CAMKV: variants seen among roughly 807,000 people sequenced by gnomAD.
CAMKV encodes the protein caM kinase-like vesicle-associated protein.
In CAMKV, 5 loss-of-function variants were observed where a neutral mutation model predicts 50.2. The observed-to-expected ratio is 0.10, with a 90% CI of 0.05 to 0.21. The LOEUF (loss-of-function observed/expected upper bound fraction) is 0.21. Among genes scored for constraint, CAMKV ranks in the 10% least tolerant of loss-of-function variants. The pLI is 1.00. For synonymous variants in CAMKV, 229 were observed against 250.1 expected, an observed-to-expected ratio of 0.92 and a Z score of 0.80; for missense variants, 361 against 650.5, an observed-to-expected ratio of 0.55 and a Z score of 4.84.
chr3:49,859,003 C>T lies in CAMKV; in HGVS notation c.*315G>A. The T allele has an allele frequency of 3.7e-6, 1 of 268,152 alleles. No homozygotes were observed. Among genetic ancestry groups the T allele is most frequent in the Non-Finnish European group, 7.1e-6 (1 of 140,682 alleles). The allele number at this position is 268,152 out of a possible 1,614,324, so 16.6% of individuals were successfully genotyped here. A position where few individuals can be genotyped will look rare whatever the true frequency, so the allele number is the denominator to read the frequency against. ...GGCAAGAAGGGAAGGGGAAGGAGAG[C>T]AGGAGCCCCCTGAGTATCCCTAGAG... On this transcript the variant is annotated 3_prime_UTR_variant, in exon 11 of 11. Transcript: ENST00000477224. This position sits in a 1 kb window ranked among gnomAD's most constrained non-coding sequence, Gnocchi z 5.5.
Position 49,861,385 on chromosome 3 carries a change from C to A in CAMKV, c.441+54G>T. On this transcript the variant is annotated intron_variant, in intron 5 of 10. Transcript: ENST00000477224. The surrounding 1 kb of genome is among the most constrained non-coding windows in gnomAD (Gnocchi z 7.7). ...GACCAAGGCCCTGAGGTGCTGCCCA[C>A]CCCAGCACCAGCCCAGCTGCCAACT... 2 of 1,613,122 alleles carry A rather than the reference C, an allele frequency of 1.2e-6. No individual in the cohort carries two copies. The highest frequency in any genetic ancestry group is 8.5e-7 in the Non-Finnish European group (1 of 1,179,332).
At position 49,858,290 on chromosome 3, in the gene CAMKV, A is replaced by G; in HGVS notation, c.*1028T>C. 7.5e-6 allele frequency: 3 copies of G among 398,684 alleles called. No homozygotes were observed. Among genetic ancestry groups the G allele is most frequent in the Non-Finnish European group, 1.3e-5 (3 of 226,078 alleles). The allele number at this position is 398,684 out of a possible 1,614,324, so 24.7% of individuals were successfully genotyped here. On this transcript the variant is annotated 3_prime_UTR_variant, in exon 11 of 11. Transcript: ENST00000477224. ...CCTCTGATAGAAGTGAGCTGTAGAA[A>G]GAGGGAGTTCCTCTTCATTTCATTG...
chr3:49,868,794 G>A (rs1292250874), intron 1 of CAMKV, among the ~76,000 whole-genome samples: 11 of 152,222 alleles, frequency 7.2e-5, no homozygotes, highest in Non-Finnish European at 1.5e-5. Context: ...TTGGGGGTAA[G>A]GGGAGTACAG....
Position 49,859,298 on chromosome 3 carries a change from C to T in CAMKV, c.*20G>A. On this transcript the variant is annotated 3_prime_UTR_variant, in exon 11 of 11. Transcript: ENST00000477224. The surrounding 1 kb of genome is among the most constrained non-coding windows in gnomAD (Gnocchi z 5.5). ...CCACCCTCCTGCCCATCCCCTGCCC[C>T]CCCTCACCAGGCTGCCTACTCAGCT... is the stretch of plus-strand genomic sequence containing the variant. 6.6e-7 allele frequency: 1 copy of T among 1,514,434 alleles called. No individual in the cohort carries two copies. Among genetic ancestry groups the T allele is most frequent in the East Asian group, 2.3e-5 (1 of 44,088 alleles). The allele number at this position is 1,514,434 out of a possible 1,614,324, so 93.8% of individuals were successfully genotyped here.
intron 1 of CAMKV, among the ~76,000 whole-genome samples, chr3:49,868,576 G>T (rs897184313): frequency 6.6e-6 from 1 of 152,192 alleles, no homozygotes; most frequent in African/African-American, 2.4e-5. Context: ...AGCCAGCCTA[G>T]GAGAGCACCT....
intron 1 of CAMKV, among the ~76,000 whole-genome samples, chr3:49,864,350 C>T (rs549457164): frequency 3.9e-5 from 6 of 152,200 alleles, no homozygotes; most frequent in Non-Finnish European, 7.3e-5. Context: ...TTCATGCCCA[C>T]TGGGGCCCAC....
rs1257641063 is a variant in CAMKV, at chr3:49,859,219, G to A, written c.*99C>T. On this transcript the variant is annotated 3_prime_UTR_variant, in exon 11 of 11. Coordinates refer to ENST00000477224, the MANE Select transcript of CAMKV (RefSeq NM_024046.5). This position sits in a 1 kb window ranked among gnomAD's most constrained non-coding sequence, Gnocchi z 5.5. ...CTGGGATGTGGGGGCATGGGGGAGC[G>A]AGGGCATCATGCCAGTGACTCTATG... The A allele has an allele frequency of 2.9e-5, 33 of 1,123,742 alleles. No individual in the cohort carries two copies. The highest frequency in any genetic ancestry group is 4.0e-5 in the Non-Finnish European group (32 of 795,566). The allele number at this position is 1,123,742 out of a possible 1,614,324, so 69.6% of individuals were successfully genotyped here.
rs1421494846 is a variant in CAMKV, at chr3:49,862,220, C to T, written c.96-44G>A. ...CACTCAGGCCTGGCCTTAGCATCAG[C>T]TGCACTCCACTGCCACTTCCCTAGC... On this transcript the variant is annotated intron_variant, in intron 2 of 10. Transcript: ENST00000477224. This position sits in a 1 kb window ranked among gnomAD's most constrained non-coding sequence, Gnocchi z 5.2. 1 of 1,614,144 alleles carries T rather than the reference C, an allele frequency of 6.2e-7. No individual in the cohort carries two copies. Among genetic ancestry groups the T allele is most frequent in the Admixed American group, 1.7e-5 (1 of 60,032 alleles).
rs985684552 is a variant in CAMKV at position 49,859,991 on chromosome 3, C to T, written c.943-110G>A. 1.7e-6 allele frequency: 2 copies of T among 1,152,280 alleles called. No individual in the cohort carries two copies. The highest frequency in any genetic ancestry group is 3.1e-5 in the African/African-American group (2 of 64,622). The allele number at this position is 1,152,280 out of a possible 1,614,324, so 71.4% of individuals were successfully genotyped here. ...AGTACCCCCGGCCACCTCCATCCAC[C>T]CCAGGGCCAAGTACTCAGCTGCTCA... On this transcript the variant is annotated intron_variant, in intron 10 of 10. Coordinates refer to ENST00000477224, the MANE Select transcript of CAMKV (RefSeq NM_024046.5). The surrounding 1 kb of genome is among the most constrained non-coding windows in gnomAD (Gnocchi z 5.5).
intron 1 of CAMKV, among the ~76,000 whole-genome samples, chr3:49,867,177 G>A (rs1354951964): frequency 6.6e-6 from 1 of 152,264 alleles, no homozygotes; most frequent in Non-Finnish European, 1.5e-5. Flanking sequence ...CAGCTGAGGT[G>A]TCACCCACAG....
Position 49,859,459 on chromosome 3 carries a change from C to T in CAMKV, c.1365G>A (p.Lys455=). The change falls in exon 11 of 11, where the codon AAG becomes AAA. Residue 455 remains lysine (K), a synonymous_variant. Coordinates refer to ENST00000477224, the MANE Select transcript of CAMKV (RefSeq NM_024046.5). The surrounding 1 kb of genome is among the most constrained non-coding windows in gnomAD (Gnocchi z 5.5). Reference sequence around the variant, plus strand: ...TAGCCGGCTCAGGGGTGGCAGCTGCCTTGGTGGCCAGCATGGCACTGCTTT... The same window carrying T: ...TAGCCGGCTCAGGGGTGGCAGCTGCTTTGGTGGCCAGCATGGCACTGCTTT... The part of the protein sequence containing the change: ...TTQSSAMLAT[K]AAATPEPAMA... 1 of 1,613,966 alleles carries T rather than the reference C, an allele frequency of 6.2e-7. No individual in the cohort carries two copies. Among genetic ancestry groups the T allele is most frequent in the Non-Finnish European group, 8.5e-7 (1 of 1,179,856 alleles).
rs2082010228 is a variant in CAMKV, at chr3:49,860,311, C to CT, written c.855-54dup. On this transcript the variant is annotated intron_variant, in intron 9 of 10. Transcript: ENST00000477224. This position sits in a 1 kb window ranked among gnomAD's most constrained non-coding sequence, Gnocchi z 6.1. ...CTGAGAGAATGAGCCTTTGTGGAGA[C>CT]TCTGCTCAGCCCTTCTATGTGGCAT... 6.3e-7 allele frequency: 1 copy of CT among 1,580,040 alleles called. No individual in the cohort carries two copies. The highest frequency in any genetic ancestry group is 1.3e-5 in the African/African-American group (1 of 74,354).
At position 49,860,115 on chromosome 3, in the gene CAMKV, G is replaced by T; in HGVS notation, c.942+56C>A. Reference sequence around the variant, plus strand: ...AGGGGTGTGATGCAGGCAAGAAACTGAGTGCCAGAAGCAATACTTGGGATA... The same window carrying T: ...AGGGGTGTGATGCAGGCAAGAAACTTAGTGCCAGAAGCAATACTTGGGATA... On this transcript the variant is annotated intron_variant, in intron 10 of 10. Transcript: ENST00000477224. This position sits in a 1 kb window ranked among gnomAD's most constrained non-coding sequence, Gnocchi z 6.1. The T allele has an allele frequency of 6.7e-7, 1 of 1,484,406 alleles. No homozygotes were observed. Among genetic ancestry groups the T allele is most frequent in the South Asian group, 1.1e-5 (1 of 88,270 alleles). 92.0% of individuals were successfully genotyped at this position (1,484,406 alleles called of 1,614,324 possible). A position where few individuals can be genotyped will look rare whatever the true frequency, so the allele number is the denominator to read the frequency against.
intron 1 of CAMKV, among the ~76,000 whole-genome samples, chr3:49,865,846 C>A (rs2082060778): frequency 6.6e-6 from 1 of 152,242 alleles, no homozygotes; most frequent in Admixed American, 6.5e-5. Flanking sequence ...CCCAGCTTTG[C>A]CAGTGTGGCG....
Position 49,858,144 on chromosome 3 carries a change from C to G in CAMKV, c.*1174G>C, listed in dbSNP as rs2081991959. On this transcript the variant is annotated 3_prime_UTR_variant, in exon 11 of 11. Coordinates refer to ENST00000477224, the MANE Select transcript of CAMKV (RefSeq NM_024046.5). Reference sequence around the variant, plus strand: ...GCGAGGACCAATGTGGCTGCCTATCCAGGCTGTGGTAGGGTCTGACAAAGG... The same window carrying G: ...GCGAGGACCAATGTGGCTGCCTATCGAGGCTGTGGTAGGGTCTGACAAAGG... 2.5e-6 allele frequency: 1 copy of G among 397,172 alleles called. No homozygotes were observed. Among genetic ancestry groups the G allele is most frequent in the African/African-American group, 2.1e-5 (1 of 48,616 alleles). The allele number at this position is 397,172 out of a possible 1,614,324, so 24.6% of individuals were successfully genotyped here. A position where few individuals can be genotyped will look rare whatever the true frequency, so the allele number is the denominator to read the frequency against.
chr3:49,864,560 T>C (rs1304233401), intron 1 of CAMKV, among the ~76,000 whole-genome samples: 5 of 151,612 alleles, frequency 3.3e-5, no homozygotes, highest in Non-Finnish European at 5.9e-5. Context: ...TCATAGCCCA[T>C]GCTCAAAGCT....
At position 49,860,039 on chromosome 3, in the gene CAMKV, C is replaced by G. The variant is rs1159254147; in HGVS notation, c.942+132G>C. On this transcript the variant is annotated intron_variant, in intron 10 of 10. Coordinates refer to ENST00000477224, the MANE Select transcript of CAMKV (RefSeq NM_024046.5). This position sits in a 1 kb window ranked among gnomAD's most constrained non-coding sequence, Gnocchi z 6.1. ...TCAGCACTCCTACTTAAGGTAATCA[C>G]AGTGGCTACACCCACACCTGATGGC... is the stretch of plus-strand genomic sequence containing the variant. 9.4e-7 allele frequency: 1 copy of G among 1,061,658 alleles called. No individual in the cohort carries two copies. Among genetic ancestry groups the G allele is most frequent in the African/African-American group, 1.6e-5 (1 of 64,354 alleles). The allele number at this position is 1,061,658 out of a possible 1,614,324, so 65.8% of individuals were successfully genotyped here.
At position 49,860,000 on chromosome 3, in the gene CAMKV, A is replaced by G; in HGVS notation, c.943-119T>C. 9.1e-7 allele frequency: 1 copy of G among 1,100,082 alleles called. No homozygotes were observed. Among genetic ancestry groups the G allele is most frequent in the South Asian group, 1.5e-5 (1 of 64,738 alleles). The allele number at this position is 1,100,082 out of a possible 1,614,324, so 68.1% of individuals were successfully genotyped here. On this transcript the variant is annotated intron_variant, in intron 10 of 10. Transcript: ENST00000477224. This position sits in a 1 kb window ranked among gnomAD's most constrained non-coding sequence, Gnocchi z 5.5. ...GGCCACCTCCATCCACCCCAGGGCC[A>G]AGTACTCAGCTGCTCAGCACTCCTA...
rs2082020750 is a variant in CAMKV, at chr3:49,861,500, C to T, written c.380G>A (p.Arg127Gln). 1.2e-6 allele frequency: 2 copies of T among 1,614,202 alleles called. No homozygotes were observed. The highest frequency in any genetic ancestry group is 1.7e-6 in the Non-Finnish European group (2 of 1,180,046). ...YSERDTSNVV[R>Q]QVLEAVAYLH... Reference sequence around the variant, plus strand: ...ATAGGCCACGGCCTCCAGGACTTGCCGTACCACGTTGCTTGTGTCTCGCTC... The same window carrying T: ...ATAGGCCACGGCCTCCAGGACTTGCTGTACCACGTTGCTTGTGTCTCGCTC... The change falls in exon 5 of 11, where the codon CGG becomes CAG. Residue 127 changes from arginine to glutamine, a missense_variant. Physicochemically the swap from Arg to Gln is conservative, Grantham distance 43. This residue lies in a region of CAMKV where 172 missense variants were observed against 414.3 expected (regional missense o/e 0.42). Transcript: ENST00000477224. The surrounding 1 kb of genome is among the most constrained non-coding windows in gnomAD (Gnocchi z 7.7).
Sources: allele counts gnomAD v4.1 joint callset (sites outside exome capture counted in the v4.1 genomes callset), GRCh38; gene constraint gnomAD v4.1.1; regional missense constraint gnomAD v4.1.1; non-coding constraint Gnocchi (gnomAD v3.1); transcripts MANE v1.5; gene names NCBI Gene and HGNC (gene_info 2026-07-23, HGNC 2026-07-21).